Variants in ABCB4 observed in about 807,000 individuals in gnomAD.
ABCB4 encodes the protein phosphatidylcholine translocator ABCB4.
A neutral mutation model predicts 145.7 loss-of-function variants in ABCB4; 76 were observed. The ratio of observed to expected loss-of-function variants is 0.52; its 90% CI spans 0.43 to 0.63. ABCB4 has a LOEUF of 0.63. ABCB4 is among the 30% of genes least tolerant of loss of function. The probability of loss-of-function intolerance (pLI) is 0.00; values close to 1 mark genes in which losing one functional copy is unlikely to be tolerated. For missense variants in ABCB4, 1,234 were observed against 1,553.1 expected, an observed-to-expected ratio of 0.79 and a Z score of 3.45; for synonymous variants, 517 against 566.8, an observed-to-expected ratio of 0.91 and a Z score of 1.25.
In ABCB4 at chr7:87,423,106, A is replaced by G. The variant is rs569343157; in HGVS notation, c.2211+800T>C. ...TAATTGTGGATCGATGTCCAACATC[A>G]CAAAAATAATAAACTCGTAACATGA... On this transcript the variant is annotated intron_variant, in intron 17 of 27. Transcript: ENST00000649586. Among the ~76,000 whole-genome samples the G allele has an allele frequency of 2.0e-5, 3 of 152,310 alleles. No individual in the cohort carries two copies. The East Asian group carries it at 5.8e-4, about 29-fold the overall frequency.
At chr7:87,393,788 G>A in the ABCB4 span, among the ~76,000 whole-genome samples, 154 of 152,272 alleles carry the variant, frequency 1.0e-3, 1 homozygote, top group East Asian at 0.021. Context: ...TAATATGCAT[G>A]ACATATTTCA....
At chr7:87,392,014 A>C in the ABCB4 span, among the ~76,000 whole-genome samples, 1 of 152,210 alleles carries the variant, frequency 6.6e-6, no homozygotes, top group Non-Finnish European at 1.5e-5. Context: ...CAGAAATCCC[A>C]AGGTGCCTTT....
In ABCB4 at chr7:87,420,029, C is replaced by A. The variant is rs8187801; in HGVS notation, c.2363G>T (p.Arg788Leu). 11 of 1,614,034 alleles carry A rather than the reference C, an allele frequency of 6.8e-6. No homozygotes were observed. In the South Asian group the frequency reaches 9.9e-5, roughly 14 times the overall value. ...TAGCATTGCTTTAAAAGCCATTGAC[C>A]GCAGTCTTCTGGTGAGGATCTCGCC... Reference protein sequence around the residue: ...KAGEILTRRLRSMAFKAMLRQ... With the variant: ...KAGEILTRRLLSMAFKAMLRQ... The change falls in exon 19 of 28, where the codon CGG (arginine) becomes CTG (leucine). Residue 788 changes from arginine (R) to leucine (L), a missense_variant. This residue lies in a region of ABCB4 where 321 missense variants were observed against 332.6 expected (regional missense o/e 0.97). Coordinates refer to ENST00000649586, the MANE Select transcript of ABCB4 (RefSeq NM_000443.4).
chr7:87,422,278 C>A, intron 17 of ABCB4, 53 bp from the exon 18 acceptor site: 1 of 1,338,918 alleles, frequency 7.5e-7, no homozygotes, highest in South Asian at 1.2e-5. Flanking sequence ...GATCCTTCTT[C>A]ATTCCTCTCA....
At chr7:87,447,271 C>G (rs1014283) in intron 8 of ABCB4, 66 bp from the exon 9 acceptor site, 2 of 1,497,666 alleles carry the variant, frequency 1.3e-6, no homozygotes, top group Non-Finnish European at 1.8e-6. Flanking sequence ...GAGTCACACT[C>G]GGCTCCTATA....
chr7:87,462,437 T>C (rs971160232), intron 4 of ABCB4, among the ~76,000 whole-genome samples: 3 of 152,204 alleles, frequency 2.0e-5, no homozygotes. Context: ...CAATTACTAA[T>C]GGGATGGATA....
intron 3 of ABCB4, among the ~76,000 whole-genome samples, chr7:87,465,051 C>G: frequency 6.6e-6 from 1 of 152,150 alleles, no homozygotes; most frequent in Non-Finnish European, 1.5e-5. Flanking sequence ...TGCAGCGCAC[C>G]GAGCATGAGC....
chr7:87,421,425 G>T (rs145363841), intron 18 of ABCB4, among the ~76,000 whole-genome samples: 1 of 152,262 alleles, frequency 6.6e-6, no homozygotes, highest in East Asian at 1.9e-4. Flanking sequence ...AGCATGCCAG[G>T]GACTGGGGCT....
chr7:87,421,239 C>A (rs1809396204), intron 18 of ABCB4, among the ~76,000 whole-genome samples: 1 of 152,150 alleles, frequency 6.6e-6, no homozygotes, highest in Admixed American at 6.5e-5. Flanking sequence ...CACATCAGAA[C>A]TGTTTACTAA....
At chr7:87,371,939 A>G in the ABCB4 span, among the ~76,000 whole-genome samples, 1 of 148,758 alleles carries the variant, frequency 6.7e-6, no homozygotes, top group South Asian at 2.1e-4. Context: ...GGCTGCAGTG[A>G]GCTGTGATTA....
chr7:87,452,648 C>A (rs1811822929), intron 6 of ABCB4: 3 of 426,804 alleles, frequency 7.0e-6, no homozygotes, highest in African/African-American at 2.0e-5. Context: ...TTGATTCAAC[C>A]ATCTTTACTG....
At chr7:87,447,732 T>G (rs1811443440) in intron 8 of ABCB4, among the ~76,000 whole-genome samples, 2 of 152,248 alleles carry the variant, frequency 1.3e-5, no homozygotes, top group Admixed American at 1.3e-4. Context: ...CTCTTTGACT[T>G]TTTTAAAAAT....
intron 14 of ABCB4, among the ~76,000 whole-genome samples, chr7:87,433,694 T>C (rs953688605): frequency 6.7e-5 from 10 of 149,210 alleles, no homozygotes; most frequent in South Asian, 2.1e-4. Context: ...TTTTTTTTTT[T>C]CAGAGCTCCC....
At chr7:87,448,588 A>G (rs945459299) in intron 8 of ABCB4, 2 of 152,254 alleles carry the variant, frequency 1.3e-5, no homozygotes, top group Non-Finnish European at 2.9e-5. Flanking sequence ...CTCCAGTGAC[A>G]GCAGCGGACA....
rs8187801 is a variant in ABCB4, at chr7:87,420,029, C to T, written c.2363G>A (p.Arg788Gln). 4.6e-3 allele frequency: 7,371 copies of T among 1,614,034 alleles called. 270 individuals are homozygous for T. The African/African-American group carries it at 0.081, about 18-fold the overall frequency. Reference sequence around the variant, plus strand: ...TAGCATTGCTTTAAAAGCCATTGACCGCAGTCTTCTGGTGAGGATCTCGCC... The same window carrying T: ...TAGCATTGCTTTAAAAGCCATTGACTGCAGTCTTCTGGTGAGGATCTCGCC... ...KAGEILTRRL[R>Q]SMAFKAMLRQ... Residue 788 changes from arginine to glutamine, a missense_variant, in exon 19 of 28, where the codon CGG (arginine) becomes CAG (glutamine). Physicochemically the swap from Arg to Gln is conservative, Grantham distance 43 (BLOSUM62 1). Around this residue, in one of 7 missense-constraint regions of ABCB4, gnomAD observed 321 missense variants for 332.6 expected, o/e 0.97. Coordinates refer to ENST00000649586, the MANE Select transcript of ABCB4 (RefSeq NM_000443.4).
the ABCB4 span, chr7:87,377,353 T>C: frequency 6.3e-7 from 1 of 1,591,294 alleles, no homozygotes; most frequent in Non-Finnish European, 8.6e-7. Context: ...TTTTAGATTA[T>C]TGCAGCCATC....
chr7:87,446,637 T>G (rs1378018175), intron 9 of ABCB4, among the ~76,000 whole-genome samples: 1 of 152,244 alleles, frequency 6.6e-6, no homozygotes, highest in Non-Finnish European at 1.5e-5. Context: ...GAGAGCTGAT[T>G]GTTTTAAGTG....
intron 22 of ABCB4, among the ~76,000 whole-genome samples, chr7:87,412,564 T>C (rs1434349836): frequency 6.6e-6 from 1 of 152,228 alleles, no homozygotes; most frequent in African/African-American, 2.4e-5. Flanking sequence ...CTGTATATAA[T>C]TTATTTTGTA....
At chr7:87,458,973 A>C (rs1562994829) in intron 4 of ABCB4, among the ~76,000 whole-genome samples, 4 of 146,680 alleles carry the variant, frequency 2.7e-5, no homozygotes. Context: ...TCAGTTTCAT[A>C]ATTAGGCACA....
Sources: gnomAD v4.1 joint callset for allele counts (sites outside exome capture counted in the v4.1 genomes callset) on GRCh38, gnomAD v4.1.1 for gene constraint, gnomAD v4.1.1 regional missense constraint, MANE v1.5 for transcripts, NCBI Gene and HGNC (gene_info 2026-07-23, HGNC 2026-07-21) for gene names.